AHI1: variants seen among roughly 807,000 people sequenced by gnomAD.
AHI1 encodes Abelson helper integration site 1.
AHI1 carries 123 observed loss-of-function variants against 149.3 expected under a neutral mutation model. That is an observed-to-expected ratio of 0.82 (90% CI 0.71 to 0.96). The LOEUF (loss-of-function observed/expected upper bound fraction) is 0.96. AHI1 is among the 40% of genes least tolerant of loss of function. The pLI is 0.00. For synonymous variants in AHI1, 475 were observed against 459.8 expected (o/e 1.03, Z -0.42); for missense variants, 1,439 against 1,422.7 (o/e 1.01, Z -0.18).
At chr6:135,473,116 C>T (rs1468093459) in intron 5 of AHI1, among the ~76,000 whole-genome samples, 1 of 151,980 alleles carries the variant, frequency 6.6e-6, no homozygotes, top group East Asian at 1.9e-4. Context: ...GTCTTTGATC[C>T]ACTTCTAGTT....
chr6:135,379,694 T>C (rs1364570876), intron 23 of AHI1, among the ~76,000 whole-genome samples: 1 of 152,152 alleles, frequency 6.6e-6, no homozygotes, highest in Non-Finnish European at 1.5e-5. Context: ...TTCTGTACAA[T>C]CTGGGCCTGC....
At chr6:135,303,233 C>T (rs1365473208) in intron 26 of AHI1, among the ~76,000 whole-genome samples, 2 of 152,050 alleles carry the variant, frequency 1.3e-5, no homozygotes, top group Non-Finnish European at 2.9e-5. Context: ...AAACAATTCC[C>T]CCAAATATTT....
At chr6:135,405,581 C>T (rs185382697) in intron 21 of AHI1, among the ~76,000 whole-genome samples, 89 of 152,108 alleles carry the variant, frequency 5.9e-4, no homozygotes, top group Middle Eastern at 3.4e-3. Flanking sequence ...CAAGTCTGGC[C>T]GGGTACGGTG....
intron 15 of AHI1, among the ~76,000 whole-genome samples, chr6:135,437,822 G>T (rs903353269): frequency 5.9e-5 from 9 of 152,094 alleles, no homozygotes; most frequent in African/African-American, 1.9e-4. Flanking sequence ...AAGTATAAAT[G>T]AAACTTTTAA....
intron 22 of AHI1, among the ~76,000 whole-genome samples, chr6:135,402,874 C>T (rs1583050182): frequency 6.6e-6 from 1 of 152,116 alleles, no homozygotes; most frequent in Non-Finnish European, 1.5e-5. Flanking sequence ...TTCCAGTCAA[C>T]AGCAGGCGAT....
At chr6:135,340,725 T>C (rs1394437255) in intron 24 of AHI1, among the ~76,000 whole-genome samples, 1 of 144,408 alleles carries the variant, frequency 6.9e-6, no homozygotes, top group Non-Finnish European at 1.5e-5. Context: ...TTTCTCTCCA[T>C]CTAATTAAAA....
At chr6:135,365,014 G>A (rs1295149566) in intron 23 of AHI1, among the ~76,000 whole-genome samples, 1 of 152,166 alleles carries the variant, frequency 6.6e-6, no homozygotes, top group Non-Finnish European at 1.5e-5. Context: ...GAGAGATGAG[G>A]ATCCAGTTTC....
chr6:135,321,228 A>C (rs1490761700), intron 25 of AHI1, among the ~76,000 whole-genome samples: 1 of 152,056 alleles, frequency 6.6e-6, no homozygotes, highest in South Asian at 2.1e-4. Context: ...GCATCACTGC[A>C]CTCTAGCCTG....
At chr6:135,321,415 C>G (rs1426901525) in intron 25 of AHI1, among the ~76,000 whole-genome samples, 1 of 152,072 alleles carries the variant, frequency 6.6e-6, no homozygotes, top group African/African-American at 2.4e-5. Context: ...GGGGAGGAGT[C>G]TGCTGACTGT....
chr6:135,353,071 G>A (rs1245508953), intron 24 of AHI1, among the ~76,000 whole-genome samples: 1 of 151,966 alleles, frequency 6.6e-6, no homozygotes, highest in Non-Finnish European at 1.5e-5. Flanking sequence ...AGTGGAGTAT[G>A]CTAATGGGAA....
intron 23 of AHI1, chr6:135,394,532 T>G (rs1778946103): frequency 2.2e-6 from 1 of 458,888 alleles, no homozygotes; most frequent in Admixed American, 3.6e-5. Context: ...CTCACGTGTT[T>G]TGCTAGTTTT....
At chr6:135,300,945 C>G in intron 26 of AHI1, 1 of 988,112 alleles carries the variant, frequency 1.0e-6, no homozygotes, top group Non-Finnish European at 1.2e-6. Flanking sequence ...ATAGTATACT[C>G]TATATTTTCA....
At chr6:135,300,763 C>T in intron 26 of AHI1, 1 of 1,203,554 alleles carries the variant, frequency 8.3e-7, no homozygotes, top group Non-Finnish European at 1.0e-6. Flanking sequence ...AAGTAGTTCT[C>T]CAGAGAGTTC....
At chr6:135,418,916 C>G (rs1782752444) in intron 20 of AHI1, among the ~76,000 whole-genome samples, 1 of 151,654 alleles carries the variant, frequency 6.6e-6, no homozygotes, top group Non-Finnish European at 1.5e-5. Flanking sequence ...CCTTCTCTAA[C>G]ATCTGCAGTA....
rs893060646 is a variant in AHI1, at chr6:135,473,288, T to A, written c.136-5654A>T. On this transcript the variant is annotated intron_variant, in intron 5 of 28. Transcript: ENST00000265602. ...ATTTGAATCTATTTCTATACCCTAT[T>A]CTGCTCTACTGATTTATATGCCTAT... is the stretch of plus-strand genomic sequence containing the variant. 7.9e-5 allele frequency among the ~76,000 whole-genome samples: 12 copies of A among 152,198 alleles called. No individual in the cohort carries two copies. In the East Asian group the frequency reaches 2.3e-3, roughly 29 times the overall value.
chr6:135,471,023 G>A (rs1238995201), intron 5 of AHI1, among the ~76,000 whole-genome samples: 1 of 151,798 alleles, frequency 6.6e-6, no homozygotes, highest in Non-Finnish European at 1.5e-5. Flanking sequence ...TGTTAAAATG[G>A]GGCATATGCA....
intron 8 of AHI1, among the ~76,000 whole-genome samples, chr6:135,459,918 G>A (rs558963649): frequency 2.6e-5 from 4 of 152,226 alleles, no homozygotes; most frequent in South Asian, 4.2e-4. Context: ...TCTGTGGGCC[G>A]CGATAGCTCA....
At chr6:135,405,875 G>GA (rs561001090) in intron 21 of AHI1, among the ~76,000 whole-genome samples, 40 of 109,112 alleles carry the variant, frequency 3.7e-4, no homozygotes, top group East Asian at 7.7e-4. Context: ...AAAAAAAAAA[G>GA]AAAAAAAAAA....
At chr6:135,301,528 ATT>A in intron 26 of AHI1, 1 of 985,424 alleles carries the variant, frequency 1.0e-6, no homozygotes, top group Non-Finnish European at 1.2e-6. Flanking sequence ...CTTCAGCAAG[ATT>A]TGGCACTATC....
Sources: gnomAD v4.1 joint callset for allele counts (sites outside exome capture counted in the v4.1 genomes callset) on GRCh38, gnomAD v4.1.1 for gene constraint, MANE v1.5 for transcripts, NCBI Gene and HGNC (gene_info 2026-07-23, HGNC 2026-07-21) for gene names.